The following CPLANE1 variants were observed in gnomAD, a reference collection of about 807,000 sequenced individuals.
The protein encoded by CPLANE1 is ciliogenesis and planar polarity effector 1.
In CPLANE1, 263 loss-of-function variants were observed where a neutral mutation model predicts 362.5. That is an observed-to-expected ratio of 0.73 (90% confidence interval 0.66 to 0.80). The LOEUF (loss-of-function observed/expected upper bound fraction) is 0.80. Ranked by LOEUF, CPLANE1 falls within the 30% of genes least tolerant of loss-of-function variation. CPLANE1 has a pLI of 0.00. For synonymous variants in CPLANE1, 1,212 were observed against 1,302.6 expected (o/e 0.93, Z 1.50); for missense variants, 3,461 against 3,793.4 (o/e 0.91, Z 2.30).
At chr5:37,243,749 CATATAATAT>C (rs1254766762) in intron 5 of CPLANE1, among the ~76,000 whole-genome samples, 2 of 144,074 alleles carry the variant, frequency 1.4e-5, no homozygotes, top group Admixed American at 7.1e-5. Context: ...ATATAATATG[CATATAATAT>C]ATATAATATA....
intron 8 of CPLANE1, 60 bp downstream of exon 8, chr5:37,238,797 C>CA (rs1799633170): frequency 2.2e-6 from 2 of 930,034 alleles, no homozygotes; most frequent in South Asian, 4.0e-5. Context: ...CCACACCTGA[C>CA]AGAGACCCAT....
At chr5:37,190,362 G>A (rs1213467495) in intron 21 of CPLANE1, among the ~76,000 whole-genome samples, 1 of 151,180 alleles carries the variant, frequency 6.6e-6, no homozygotes, top group African/African-American at 2.4e-5. Context: ...GAGCCCAGGA[G>A]TTCGAGACCA....
Position 37,186,350 on chromosome 5 carries a change from C to T in CPLANE1, c.4125G>A (p.Val1375=). Residue 1375 remains valine, a synonymous_variant, in exon 24 of 53, where the codon GTG becomes GTA. Coordinates refer to ENST00000651892, the MANE Select transcript of CPLANE1 (RefSeq NM_001384732.1). ...FVKAFPYPED[V]RVPLRDKYHS... ...GATATTTGTCTCTTAAAGGAACCCT[C>T]ACGTCCTCAGGATAGGGAAATGCTT... The T allele has an allele frequency of 6.2e-7, 1 of 1,607,704 alleles. No homozygotes were observed. Among genetic ancestry groups the T allele is most frequent in the Non-Finnish European group, 8.5e-7 (1 of 1,174,410 alleles).
At chr5:37,137,364 T>C (rs2150339206) in intron 46 of CPLANE1, among the ~76,000 whole-genome samples, 2 of 152,318 alleles carry the variant, frequency 1.3e-5, no homozygotes, top group Middle Eastern at 6.8e-3. Context: ...TCAAAGCCAT[T>C]CAACAAGTCT....
At chr5:37,140,922 ATTC>A in intron 44 of CPLANE1, 1 of 984,200 alleles carries the variant, frequency 1.0e-6, no homozygotes, top group Non-Finnish European at 1.2e-6. Context: ...GCCCAAGACA[ATTC>A]TTCTTCCAAT....
At chr5:37,111,865 G>A (rs962090880) in intron 51 of CPLANE1, among the ~76,000 whole-genome samples, 1 of 151,796 alleles carries the variant, frequency 6.6e-6, no homozygotes, top group Non-Finnish European at 1.5e-5. Flanking sequence ...GCAGATGACA[G>A]GAATGCATAT....
intron 20 of CPLANE1, among the ~76,000 whole-genome samples, chr5:37,197,405 G>GA (rs1391838310): frequency 6.6e-6 from 1 of 152,158 alleles, no homozygotes; most frequent in East Asian, 1.9e-4. Context: ...GGTAGAGAGA[G>GA]AGAGAGCCAG....
intron 20 of CPLANE1, among the ~76,000 whole-genome samples, 182 bp downstream of exon 20, chr5:37,198,520 C>G (rs375288330): frequency 5.3e-5 from 8 of 151,948 alleles, no homozygotes; most frequent in African/African-American, 1.9e-4. Context: ...ACCTAGAGAC[C>G]CTGTTCAGAG....
intron 47 of CPLANE1, among the ~76,000 whole-genome samples, chr5:37,123,884 C>A: frequency 6.7e-6 from 1 of 148,568 alleles, no homozygotes; most frequent in South Asian, 2.2e-4. Context: ...TCACTGACAG[C>A]GAGAAGGTAA....
chr5:37,107,682 G>A lies in CPLANE1; in HGVS notation c.9676C>T (p.Leu3226=), dbSNP rs752444561. The A allele has an allele frequency of 2.0e-5, 32 of 1,611,470 alleles. No homozygotes were observed. Among genetic ancestry groups the A allele is most frequent in the Non-Finnish European group, 2.7e-5 (32 of 1,179,054 alleles). Reference sequence around the variant, plus strand: ...ATGTCTTCGATGGCATTCCAGTCCAGCTTGCTGAGGATGCTGCCAGTGCTC... The same window carrying A: ...ATGTCTTCGATGGCATTCCAGTCCAACTTGCTGAGGATGCTGCCAGTGCTC... ...SESTGSILSK[L]DWNAIEDMVA... The change falls in exon 53 of 53, where the codon CTG becomes TTG. Residue 3226 remains leucine, a synonymous_variant. Transcript: ENST00000651892.
intron 36 of CPLANE1, among the ~76,000 whole-genome samples, chr5:37,164,807 A>AAAGCTGGGCTT (rs1777809282): frequency 6.6e-6 from 1 of 152,234 alleles, no homozygotes; most frequent in Non-Finnish European, 1.5e-5. Context: ...GGTATATTTT[A>AAAGCTGGGCTT]AAAGACCTGA....
rs1192399144 is a variant in CPLANE1 at position 37,158,233 on chromosome 5, T to C, written c.7803A>G (p.Val2601=). 1 of 1,613,524 alleles carries C rather than the reference T, an allele frequency of 6.2e-7. No individual in the cohort carries two copies. The highest frequency in any genetic ancestry group is 1.7e-5 in the Admixed American group (1 of 59,964). ...TGAATAAAACACAAACCAAGTTTGT[T>C]ACTGTATGAGGTATTGAGGGTGACC... The part of the protein sequence containing the change: ...KPWSPSIPHT[V]TNLVGHTYIN... The change falls in exon 39 of 53, where the codon GTA becomes GTG. Residue 2601 remains valine, a synonymous_variant. Coordinates refer to ENST00000651892, the MANE Select transcript of CPLANE1 (RefSeq NM_001384732.1).
intron 46 of CPLANE1, among the ~76,000 whole-genome samples, chr5:37,137,773 T>C (rs1768186045): frequency 6.6e-6 from 1 of 152,118 alleles, no homozygotes; most frequent in African/African-American, 2.4e-5. Flanking sequence ...CTCACTAGCA[T>C]GAGAACAGGA....
chr5:37,091,541 G>A, the CPLANE1 span, among the ~76,000 whole-genome samples: 1 of 151,928 alleles, frequency 6.6e-6, no homozygotes, highest in African/African-American at 2.4e-5. Flanking sequence ...CAGAAGAGGG[G>A]GAGTATGAGT....
rs543018376 is a variant in CPLANE1 at position 37,106,960 on chromosome 5, C to T, written c.*642G>A. ...AATTTAAGATGAGCCTTCTAGAGGC[C>T]GGAGTCATATTCCCTTACTTTCCTG... is the stretch of plus-strand genomic sequence containing the variant. On this transcript the variant is annotated 3_prime_UTR_variant, in exon 53 of 53. Coordinates refer to ENST00000651892, the MANE Select transcript of CPLANE1 (RefSeq NM_001384732.1). 1.9e-3 allele frequency: 1,901 copies of T among 985,388 alleles called. 3 individuals are homozygous for T. Among genetic ancestry groups the T allele is most frequent in the South Asian group, 5.2e-3 (111 of 21,286 alleles). 61.0% of individuals were successfully genotyped at this position (985,388 alleles called of 1,614,324 possible). A position where few individuals can be genotyped will look rare whatever the true frequency, so the allele number is the denominator to read the frequency against.
chr5:37,141,914 G>C, intron 44 of CPLANE1: 1 of 574,150 alleles, frequency 1.7e-6, no homozygotes, highest in South Asian at 7.8e-5. Context: ...CAGAATCTAT[G>C]CATATAAAAC....
At chr5:37,155,016 A>G (rs899371078) in intron 41 of CPLANE1, among the ~76,000 whole-genome samples, 4 of 152,210 alleles carry the variant, frequency 2.6e-5, no homozygotes, top group African/African-American at 9.6e-5. Flanking sequence ...GACAACAAGT[A>G]TTGATGATTC....
At position 37,205,236 on chromosome 5, in the gene CPLANE1, T is replaced by C. The variant is rs541186123; in HGVS notation, c.3289+79A>G. 43 of 901,716 alleles carry C rather than the reference T, an allele frequency of 4.8e-5. No homozygotes were observed. The South Asian group carries it at 1.4e-3, about 29-fold the overall frequency. The allele number at this position is 901,716 out of a possible 1,614,324, so 55.9% of individuals were successfully genotyped here. A position where few individuals can be genotyped will look rare whatever the true frequency, so the allele number is the denominator to read the frequency against. On this transcript the variant is annotated intron_variant, in intron 18 of 52. Coordinates refer to ENST00000651892, the MANE Select transcript of CPLANE1 (RefSeq NM_001384732.1). ...TTATTTCAAAGTGTTAATACATTTG[T>C]AGACATGTATAAACTTTTTAAGGTA...
chr5:37,135,201 A>G (rs761898547), intron 46 of CPLANE1, among the ~76,000 whole-genome samples: 14 of 151,948 alleles, frequency 9.2e-5, no homozygotes, highest in Non-Finnish European at 2.1e-4. Context: ...CCTTAATTTC[A>G]TTGTTTACCC....
Sources: allele counts gnomAD v4.1 joint callset (sites outside exome capture counted in the v4.1 genomes callset), GRCh38; gene constraint gnomAD v4.1.1; transcripts MANE v1.5; gene names NCBI Gene and HGNC (gene_info 2026-07-23, HGNC 2026-07-21).